The following FLI1 variants were observed in gnomAD, a reference collection of about 807,000 sequenced individuals.
The protein encoded by FLI1 is Fli-1 proto-oncogene, ETS transcription factor.
A neutral mutation model predicts 53.1 loss-of-function variants in FLI1; 13 were observed. That is an observed-to-expected ratio of 0.24 (90% CI 0.16 to 0.39). The LOEUF (loss-of-function observed/expected upper bound fraction) is 0.39, where lower values mean the gene tolerates loss of function less well. FLI1 is among the 10% of genes least tolerant of loss of function. The pLI is 1.00. For synonymous variants in FLI1, 244 were observed against 236.7 expected, an observed-to-expected ratio of 1.03 and a Z score of -0.28; for missense variants, 424 against 600.5, an observed-to-expected ratio of 0.71 and a Z score of 3.07.
Position 128,713,701 on chromosome 11 carries a change from A to C in FLI1, c.18+19425A>C, listed in dbSNP as rs142761088. On this transcript the variant is annotated intron_variant, in intron 1 of 8. Transcript: ENST00000527786. ...GAAGTATGGGGTGCCTCGGGAGGGC[A>C]CAACGTGGGGACCTAACCTAGTCTC... Among the ~76,000 whole-genome samples the C allele has an allele frequency of 2.6e-4, 40 of 152,248 alleles. No individual in the cohort carries two copies. The East Asian group carries it at 7.3e-3, about 28-fold the overall frequency.
intron 4 of FLI1, among the ~76,000 whole-genome samples, chr11:128,780,019 C>T (rs776624979): frequency 2.6e-5 from 4 of 152,178 alleles, no homozygotes; most frequent in Non-Finnish European, 4.4e-5. Context: ...TACACTATTA[C>T]CGTTGTCGTA....
At chr11:128,732,009 A>AAAAAAG (rs1555112913) in intron 1 of FLI1, among the ~76,000 whole-genome samples, 9 of 151,742 alleles carry the variant, frequency 5.9e-5, no homozygotes, top group Non-Finnish European at 1.0e-4. Context: ...TCTCAAAAAA[A>AAAAAAG]AAAAGAAAAG....
rs1311597294 is a variant in FLI1 at position 128,810,541 on chromosome 11, G to C, written c.912G>C (p.Gly304=). 6.2e-7 allele frequency: 1 copy of C among 1,612,030 alleles called. No individual in the cohort carries two copies. Among genetic ancestry groups the C allele is most frequent in the East Asian group, 2.2e-5 (1 of 44,766 alleles). ...ACGCCAGCTGTATCACCTGGGAGGG[G>C]ACCAACGGGGAGTTCAAAATGACGG... ...SANASCITWE[G]TNGEFKMTDP... is the part of the protein sequence containing the mutation. The change falls in exon 9 of 9, where the codon GGG becomes GGC. Residue 304 remains glycine, a synonymous_variant. Transcript: ENST00000527786. This position sits in a 1 kb window ranked among gnomAD's most constrained non-coding sequence, Gnocchi z 6.6.
At chr11:128,803,338 G>A (rs894268845) in intron 5 of FLI1, among the ~76,000 whole-genome samples, 2 of 152,120 alleles carry the variant, frequency 1.3e-5, no homozygotes, top group Non-Finnish European at 2.9e-5. Flanking sequence ...AGAGTTTGCT[G>A]AGCTACCATC....
chr11:128,758,129 G>A lies in FLI1; in HGVS notation c.33G>A (p.Val11=). The A allele has an allele frequency of 6.2e-7, 1 of 1,612,574 alleles. No individual in the cohort carries two copies. Among genetic ancestry groups the A allele is most frequent in the Non-Finnish European group, 8.5e-7 (1 of 1,179,308 alleles). ...TGGCCCTGCAGGAGGCTCTGTCGGTGGTGAGCGACGACCAGTCCCTCTTTG... is the reference window on the plus strand; with the variant it reads ...TGGCCCTGCAGGAGGCTCTGTCGGTAGTGAGCGACGACCAGTCCCTCTTTG... MDGTIKEALS[V]VSDDQSLFDS... Residue 11 remains valine (V), a synonymous_variant, in exon 2 of 9, where the codon GTG becomes GTA. Coordinates refer to ENST00000527786, the MANE Select transcript of FLI1 (RefSeq NM_002017.5).
chr11:128,801,478 A>C (rs1262137552), intron 5 of FLI1, among the ~76,000 whole-genome samples: 2 of 152,234 alleles, frequency 1.3e-5, no homozygotes, highest in Admixed American at 6.5e-5. Context: ...CATAAAATGC[A>C]CACCACTTCA....
chr11:128,754,191 GA>G (rs1020480407), intron 1 of FLI1, among the ~76,000 whole-genome samples: 1 of 151,114 alleles, frequency 6.6e-6, no homozygotes, highest in African/African-American at 2.4e-5. Context: ...CATTGTAATG[GA>G]AAAAAAGCTT....
intron 4 of FLI1, among the ~76,000 whole-genome samples, chr11:128,775,307 A>T (rs1941697708): frequency 6.6e-6 from 1 of 152,162 alleles, no homozygotes; most frequent in Non-Finnish European, 1.5e-5. Context: ...GTGCACTGAT[A>T]GAAAAACCAT....
intron 1 of FLI1, among the ~76,000 whole-genome samples, chr11:128,725,884 T>C (rs532902573): frequency 6.6e-6 from 1 of 152,308 alleles, no homozygotes; most frequent in Admixed American, 6.5e-5. Flanking sequence ...CAGCTGGCTC[T>C]TGACAGTGAG....
chr11:128,690,952 CA>C (rs1428548651), upstream of FLI1, among the ~76,000 whole-genome samples: 6 of 152,084 alleles, frequency 3.9e-5, no homozygotes, highest in Non-Finnish European at 7.4e-5. Context: ...CATGGTAAGC[CA>C]GGAAAGAGGG....
intron 5 of FLI1, chr11:128,804,907 C>G (rs920464405): frequency 6.5e-6 from 1 of 152,850 alleles, no homozygotes; most frequent in Non-Finnish European, 1.5e-5. Context: ...GAACTATGGA[C>G]ATTTAAGAAA....
intron 1 of FLI1, among the ~76,000 whole-genome samples, chr11:128,734,003 G>T (rs1401348913): frequency 6.6e-6 from 1 of 152,200 alleles, no homozygotes; most frequent in East Asian, 1.9e-4. Context: ...GAGCTGCAGG[G>T]GTTCAGAGTA....
rs147743961 is a variant in FLI1, at chr11:128,774,177, G to C, written c.589+1192G>C. ...GTTCCTCATGGGGCAGGGGCAACAC[G>C]TGCTGGCTGGAGAAATGAAAAATCA... On this transcript the variant is annotated intron_variant, in intron 4 of 8. Coordinates refer to ENST00000527786, the MANE Select transcript of FLI1 (RefSeq NM_002017.5). Among the ~76,000 whole-genome samples the C allele has an allele frequency of 2.6e-5, 4 of 152,246 alleles. No homozygotes were observed. The East Asian group carries it at 7.7e-4, about 29-fold the overall frequency.
At chr11:128,734,007 C>G (rs1051138951) in intron 1 of FLI1, among the ~76,000 whole-genome samples, 2 of 152,224 alleles carry the variant, frequency 1.3e-5, no homozygotes, top group African/African-American at 4.8e-5. Flanking sequence ...TGCAGGGGTT[C>G]AGAGTACTGC....
intron 1 of FLI1, among the ~76,000 whole-genome samples, chr11:128,751,021 A>T (rs1452871726): frequency 1.3e-5 from 2 of 152,290 alleles, no homozygotes; most frequent in East Asian, 3.9e-4. Flanking sequence ...TATGTAACAG[A>T]GCCTTATCTA....
intron 1 of FLI1, among the ~76,000 whole-genome samples, chr11:128,717,996 AG>A (rs764286667): frequency 3.3e-5 from 5 of 152,208 alleles, no homozygotes; most frequent in Non-Finnish European, 7.3e-5. Context: ...TTGTGTGTAT[AG>A]GGAGTGTTCC....
At chr11:128,753,471 G>A (rs1940731053) in intron 1 of FLI1, among the ~76,000 whole-genome samples, 1 of 152,182 alleles carries the variant, frequency 6.6e-6, no homozygotes, top group South Asian at 2.1e-4. Context: ...GAGGATGGCT[G>A]GTGAATTTGC....
intron 2 of FLI1, among the ~76,000 whole-genome samples, chr11:128,765,935 C>T (rs1941323834): frequency 6.6e-6 from 1 of 152,056 alleles, no homozygotes; most frequent in Admixed American, 6.5e-5. Flanking sequence ...TATGTGTGTT[C>T]CATGTTGGAA....
At chr11:128,732,010 AAAAG>A (rs1334353195) in intron 1 of FLI1, among the ~76,000 whole-genome samples, 18 of 147,110 alleles carry the variant, frequency 1.2e-4, no homozygotes, top group Middle Eastern at 3.4e-3. Flanking sequence ...CTCAAAAAAA[AAAAG>A]AAAAGAAAAG....
Sources: allele counts gnomAD v4.1 joint callset (sites outside exome capture counted in the v4.1 genomes callset), GRCh38; gene constraint gnomAD v4.1.1; non-coding constraint Gnocchi (gnomAD v3.1); transcripts MANE v1.5; gene names NCBI Gene and HGNC (gene_info 2026-07-23, HGNC 2026-07-21).